PRR33: variants seen among roughly 807,000 people sequenced by gnomAD.
PRR33 encodes proline rich 33, also known as proline-rich protein 33.
Under a neutral mutation model 0.5 loss-of-function variants are expected in PRR33, and 1 was observed. That is an observed-to-expected ratio of 2.18 (90% CI 0.77 to 10.34). The LOEUF (loss-of-function observed/expected upper bound fraction) is 10.34. Ranked by LOEUF, PRR33 falls within the 30% of genes most tolerant of loss-of-function variation. The pLI is 0.13. For missense variants in PRR33, 552 were observed against 251.8 expected (o/e 2.19, Z -8.07); for synonymous variants, 226 against 110.0 (o/e 2.06, Z -6.60).
chr11:1,897,967 G>T, the PRR33 span, among the ~76,000 whole-genome samples: 10 of 152,176 alleles, frequency 6.6e-5, no homozygotes, highest in African/African-American at 2.4e-4. The surrounding 1 kb of genome is among the most constrained non-coding windows in gnomAD (Gnocchi z 4.0). Context: ...AAATCAAATA[G>T]ATCAGAGAGT....
At chr11:1,894,136 G>C, upstream of PRR33, among the ~76,000 whole-genome samples, 1 of 102,266 alleles carries the variant, frequency 9.8e-6, no homozygotes, top group Admixed American at 1.1e-4. Flanking sequence ...GTGTATGTGT[G>C]TGTGTGACAA....
chr11:1,913,577 C>G, the PRR33 span, among the ~76,000 whole-genome samples: 1 of 152,204 alleles, frequency 6.6e-6, no homozygotes, highest in African/African-American at 2.4e-5. Flanking sequence ...ACCACGTCCC[C>G]TCTGATCCCT....
chr11:1,889,833 G>A, exon 1 of PRR33: 1 of 634,336 alleles, frequency 1.6e-6, no homozygotes. Flanking sequence ...GAAGCCGGGT[G>A]GCGGCCGTGG....
At chr11:1,890,664 G>A in exon 1 of PRR33, 1 of 644,340 alleles carries the variant, frequency 1.6e-6, no homozygotes. Context: ...GTCTCCTGTG[G>A]TCCAAGGAGG....
chr11:1,899,514 A>G, the PRR33 span, among the ~76,000 whole-genome samples: 5 of 152,202 alleles, frequency 3.3e-5, no homozygotes, highest in Admixed American at 2.6e-4. Context: ...CTTTAGCCAT[A>G]TCGGAGTTGA....
exon 1 of PRR33, chr11:1,889,805 T>C (rs1472152275): frequency 3.1e-6 from 2 of 641,274 alleles, no homozygotes; most frequent in South Asian, 3.6e-5. Flanking sequence ...CACTAGCCTC[T>C]CTGGGCACTG....
At chr11:1,889,376 G>A (rs555029560) in exon 1 of PRR33, 13 of 706,160 alleles carry the variant, frequency 1.8e-5, no homozygotes, top group South Asian at 3.0e-5. Context: ...GGTACAGCAC[G>A]GCATCCCACA....
chr11:1,894,492 C>T (rs1436754446), upstream of PRR33, among the ~76,000 whole-genome samples: 1 of 152,202 alleles, frequency 6.6e-6, no homozygotes, highest in African/African-American at 2.4e-5. Flanking sequence ...CTGCCTCCAC[C>T]TCCCAGAGTG....
chr11:1,893,772 G>A (rs1158370905), upstream of PRR33, among the ~76,000 whole-genome samples: 1 of 150,842 alleles, frequency 6.6e-6, no homozygotes, highest in Non-Finnish European at 1.5e-5. Context: ...GATGAGAGTG[G>A]ATGGACAGGT....
exon 1 of PRR33, chr11:1,890,169 C>T (rs762864076): frequency 2.9e-5 from 21 of 716,902 alleles, no homozygotes; most frequent in Non-Finnish European, 4.2e-5. Context: ...TAGAATCCTG[C>T]GCTGGGTGAG....
chr11:1,912,258 T>G, the PRR33 span, among the ~76,000 whole-genome samples: 1 of 151,652 alleles, frequency 6.6e-6, no homozygotes, highest in South Asian at 2.1e-4. Flanking sequence ...GTTTTTTGCT[T>G]GGTAGGAGGT....
the PRR33 span, among the ~76,000 whole-genome samples, chr11:1,914,881 TGTG>T: frequency 5.6e-4 from 46 of 82,270 alleles, 1 homozygote; most frequent in East Asian, 0.017. Flanking sequence ...GTGTGTGTGT[TGTG>T]AGGTCACACA....
At chr11:1,906,000 T>C in the PRR33 span, among the ~76,000 whole-genome samples, 4 of 151,032 alleles carry the variant, frequency 2.6e-5, no homozygotes, top group African/African-American at 9.7e-5. Flanking sequence ...TTTTTTTTTT[T>C]TTTTTTGGAG....
the PRR33 span, among the ~76,000 whole-genome samples, chr11:1,904,001 C>T: frequency 6.6e-6 from 1 of 152,224 alleles, no homozygotes; most frequent in African/African-American, 2.4e-5. Context: ...AGTCCAGTTT[C>T]TGTCACGACT....
chr11:1,896,586 G>T (rs1849126616), upstream of PRR33, among the ~76,000 whole-genome samples: 1 of 152,178 alleles, frequency 6.6e-6, no homozygotes, highest in African/African-American at 2.4e-5. Flanking sequence ...GTTATCTGTA[G>T]ATAAGATTGT....
chr11:1,895,794 C>A (rs576433822), upstream of PRR33, among the ~76,000 whole-genome samples: 11 of 152,276 alleles, frequency 7.2e-5, no homozygotes, highest in East Asian at 2.1e-3. Context: ...GAAATTGCTG[C>A]AGCATGGTTT....
exon 1 of PRR33, chr11:1,890,658 C>T (rs569898117): frequency 7.6e-6 from 5 of 657,264 alleles, no homozygotes; most frequent in African/African-American, 7.1e-5. Flanking sequence ...GCCTGTGTCT[C>T]CTGTGGTCCA....
At chr11:1,915,685 C>CTG in the PRR33 span, among the ~76,000 whole-genome samples, 3 of 806 alleles carry the variant, frequency 3.7e-3, no homozygotes, top group Non-Finnish European at 9.4e-3. Flanking sequence ...GGTGATGTTT[C>CTG]TGTGTGTGTG....
upstream of PRR33, among the ~76,000 whole-genome samples, chr11:1,894,216 A>G: frequency 2.2e-5 from 2 of 90,678 alleles, no homozygotes; most frequent in African/African-American, 3.9e-5. Context: ...CCAGGCTGGG[A>G]GTGTGGGAGT....
Sources: gnomAD v4.1 joint callset for allele counts (sites outside exome capture counted in the v4.1 genomes callset) on GRCh38, gnomAD v4.1.1 for gene constraint, Gnocchi (gnomAD v3.1) non-coding constraint, MANE v1.5 for transcripts, NCBI Gene and HGNC (gene_info 2026-07-23, HGNC 2026-07-21) for gene names.